The following DPY19L4 variants were observed in gnomAD, a reference collection of about 807,000 sequenced individuals.
DPY19L4 encodes probable C-mannosyltransferase DPY19L4.
In DPY19L4, 97 loss-of-function variants were observed where a neutral mutation model predicts 102.8. The observed-to-expected ratio is 0.94, with a 90% confidence interval of 0.80 to 1.12. The LOEUF is 1.12. Ranked by LOEUF, DPY19L4 falls within the 50% of genes most tolerant of loss-of-function variation. The probability of loss-of-function intolerance (pLI) is 0.00; values close to 1 mark genes in which losing one functional copy is unlikely to be tolerated. For synonymous variants in DPY19L4, 252 were observed against 283.1 expected, an observed-to-expected ratio of 0.89 and a Z score of 1.10; for missense variants, 815 against 850.4, an observed-to-expected ratio of 0.96 and a Z score of 0.52.
intron 6 of DPY19L4, among the ~76,000 whole-genome samples, chr8:94,750,232 G>A (rs78558549): frequency 1.3e-5 from 2 of 151,988 alleles, no homozygotes; most frequent in Non-Finnish European, 1.5e-5. Flanking sequence ...ACTGTGCCTC[G>A]CGTGGTTCAT....
intron 16 of DPY19L4, 77 bp downstream of exon 16, chr8:94,781,243 A>G: frequency 3.3e-6 from 4 of 1,222,118 alleles, no homozygotes; most frequent in Non-Finnish European, 4.5e-6. Context: ...TTCACAGGAA[A>G]TAATAAATTA....
At position 94,792,396 on chromosome 8, in the gene DPY19L4, T is replaced by G. The variant is rs1347063960; in HGVS notation, c.*2486T>G. 6.6e-6 allele frequency: 1 copy of G among 151,926 alleles called. No individual in the cohort carries two copies. Among genetic ancestry groups the G allele is most frequent in the Non-Finnish European group, 1.5e-5 (1 of 68,008 alleles). 9.4% of individuals were successfully genotyped at this position (151,926 alleles called of 1,614,324 possible). A position where few individuals can be genotyped will look rare whatever the true frequency, so the allele number is the denominator to read the frequency against. On this transcript the variant is annotated 3_prime_UTR_variant, in exon 19 of 19. Transcript: ENST00000414645. ...CGGAGTAGCTGGGATTACAGGCACC[T>G]GCCACCAAGCACGGCTAATTTTTGT... is the stretch of plus-strand genomic sequence containing the variant.
At chr8:94,766,109 T>G (rs1019594914) in intron 10 of DPY19L4, among the ~76,000 whole-genome samples, 1 of 152,120 alleles carries the variant, frequency 6.6e-6, no homozygotes, top group Non-Finnish European at 1.5e-5. Context: ...GAAGAGTGGG[T>G]GAGTTACTTG....
intron 4 of DPY19L4, 61 bp downstream of exon 4, chr8:94,738,520 T>TC (rs1811293081): frequency 9.6e-7 from 1 of 1,045,238 alleles, no homozygotes; most frequent in African/African-American, 1.7e-5. Context: ...TCTTTTCTTT[T>TC]TTTTTTTTTT....
In DPY19L4 at chr8:94,756,252, A is replaced by C. The variant is rs1586367205; in HGVS notation, c.735+93A>C. ...CAAATAAATTTTAGTCCTAGTAAGAATTAAATCATATTTAATGAAGCCTGG... is the reference window on the plus strand; with the variant it reads ...CAAATAAATTTTAGTCCTAGTAAGACTTAAATCATATTTAATGAAGCCTGG... On this transcript the variant is annotated intron_variant, in intron 7 of 18. Transcript: ENST00000414645. 2.0e-6 allele frequency: 3 copies of C among 1,490,946 alleles called. No homozygotes were observed. In the East Asian group the frequency reaches 7.0e-5, roughly 35 times the overall value. 92.4% of individuals were successfully genotyped at this position (1,490,946 alleles called of 1,614,324 possible). A position where few individuals can be genotyped will look rare whatever the true frequency, so the allele number is the denominator to read the frequency against.
At position 94,734,693 on chromosome 8, in the gene DPY19L4, T is replaced by C. The variant is rs1811120216; in HGVS notation, c.191T>C (p.Met64Thr). 7 of 1,614,116 alleles carry C rather than the reference T, an allele frequency of 4.3e-6. No individual in the cohort carries two copies. Among genetic ancestry groups the C allele is most frequent in the Middle Eastern group, 3.3e-4 (2 of 6,058 alleles). ...IGCLAAVTSGMMYALYLSAYH... is the reference protein window; with the variant it reads ...IGCLAAVTSGTMYALYLSAYH... The stretch of plus-strand genomic sequence containing the variant: ...TGTCTTGCAGCGGTTACTAGTGGTA[T>C]GATGTATGCTCTCTACTTATCAGCA... Residue 64 changes from methionine (M) to threonine (T), a missense_variant, in exon 3 of 19, where the codon ATG becomes ACG. Transcript: ENST00000414645.
Position 94,739,485 on chromosome 8 carries a change from T to C in DPY19L4, c.416T>C (p.Leu139Pro), listed in dbSNP as rs530182956. The C allele has an allele frequency of 3.7e-6, 6 of 1,608,770 alleles. No homozygotes were observed. Among genetic ancestry groups the C allele is most frequent in the Middle Eastern group, 1.7e-4 (1 of 6,028 alleles). Residue 139 changes from leucine (L) to proline (P), a missense_variant, in exon 5 of 19, where the codon CTG becomes CCG. By Grantham distance (98) the Leu-to-Pro change is moderately conservative (BLOSUM62 -3). Transcript: ENST00000414645. The stretch of plus-strand genomic sequence containing the variant: ...ATAAATGCAGTGCAGCAAATGTCTC[T>C]GTATCCGGAACTTATTGCTAGCATT... ...KTINAVQQMS[L>P]YPELIASILY...
intron 2 of DPY19L4, 91 bp from the exon 3 acceptor site, chr8:94,734,539 G>A: frequency 1.5e-6 from 2 of 1,360,520 alleles, no homozygotes; most frequent in Non-Finnish European, 2.0e-6. Flanking sequence ...GGGTTTTGGG[G>A]ACAAAGACCA....
At chr8:94,772,547 T>C (rs1327110044) in intron 13 of DPY19L4, among the ~76,000 whole-genome samples, 1 of 152,212 alleles carries the variant, frequency 6.6e-6, no homozygotes, top group Non-Finnish European at 1.5e-5. Flanking sequence ...CAGCACCTGT[T>C]TTCCTCTCAG....
intron 18 of DPY19L4, among the ~76,000 whole-genome samples, chr8:94,788,667 C>A (rs965609606): frequency 1.8e-4 from 27 of 152,206 alleles, no homozygotes; most frequent in African/African-American, 6.5e-4. Flanking sequence ...GTCTTCCCCC[C>A]CAGCCCCCAT....
At chr8:94,772,920 C>CAATA (rs889794682) in intron 13 of DPY19L4, among the ~76,000 whole-genome samples, 12 of 152,118 alleles carry the variant, frequency 7.9e-5, no homozygotes, top group African/African-American at 2.9e-4. Context: ...TCATAAAAGG[C>CAATA]AATATATGAG....
At chr8:94,751,091 CCTTT>C (rs1228805837) in intron 6 of DPY19L4, among the ~76,000 whole-genome samples, 1 of 148,964 alleles carries the variant, frequency 6.7e-6, no homozygotes, top group Non-Finnish European at 1.5e-5. Flanking sequence ...TCCAAAATTT[CCTTT>C]CTAATACCTC....
intron 8 of DPY19L4, among the ~76,000 whole-genome samples, chr8:94,763,552 G>C (rs886983650): frequency 7.0e-6 from 1 of 142,600 alleles, no homozygotes; most frequent in Non-Finnish European, 1.5e-5. Flanking sequence ...ACAGAGTCTT[G>C]CTCTGTCACC....
intron 12 of DPY19L4, among the ~76,000 whole-genome samples, chr8:94,768,939 G>T (rs976397665): frequency 2.6e-5 from 4 of 151,102 alleles, no homozygotes; most frequent in Non-Finnish European, 5.9e-5. Flanking sequence ...CTTGAACCCG[G>T]GAGGCAGAGG....
chr8:94,722,222 A>G (rs1442231020), intron 1 of DPY19L4, among the ~76,000 whole-genome samples: 1 of 152,116 alleles, frequency 6.6e-6, no homozygotes, highest in Non-Finnish European at 1.5e-5. Context: ...CCTGGCCAAT[A>G]TGGTGAAACC....
chr8:94,749,982 G>A (rs1327417244), intron 6 of DPY19L4, among the ~76,000 whole-genome samples: 1 of 152,152 alleles, frequency 6.6e-6, no homozygotes, highest in Non-Finnish European at 1.5e-5. Flanking sequence ...TTTTGACCAA[G>A]TCTTGCTCTG....
Position 94,719,915 on chromosome 8 carries a change from G to C in DPY19L4, c.-84G>C. 7.1e-7 allele frequency: 1 copy of C among 1,414,040 alleles called. No homozygotes were observed. Among genetic ancestry groups the C allele is most frequent in the Non-Finnish European group, 9.3e-7 (1 of 1,076,282 alleles). 87.6% of individuals were successfully genotyped at this position (1,414,040 alleles called of 1,614,324 possible). On this transcript the variant is annotated 5_prime_UTR_variant, in exon 1 of 19. Coordinates refer to ENST00000414645, the MANE Select transcript of DPY19L4 (RefSeq NM_181787.3). ...CGCGGCGGCCAGGAGCGGGCCCCCG[G>C]AGGCCGAGGGGTTCGGCGACGCGGA...
chr8:94,744,632 T>A (rs1183721089), intron 6 of DPY19L4: 2 of 451,356 alleles, frequency 4.4e-6, no homozygotes, highest in African/African-American at 4.0e-5. Context: ...TCTGTCTTCA[T>A]ATTTGAAGAG....
chr8:94,736,966 A>G (rs62524285), intron 3 of DPY19L4, among the ~76,000 whole-genome samples: 23,419 of 152,162 alleles, frequency 0.15, 2,035 homozygotes, highest in African/African-American at 0.23. Flanking sequence ...GATATATGTT[A>G]TATATAACAA....
Sources: allele counts gnomAD v4.1 joint callset (sites outside exome capture counted in the v4.1 genomes callset), GRCh38; gene constraint gnomAD v4.1.1; transcripts MANE v1.5; gene names NCBI Gene and HGNC (gene_info 2026-07-23, HGNC 2026-07-21).